Variants in CEP126 observed in about 807,000 individuals in gnomAD.
The protein encoded by CEP126 is centrosomal protein of 126 kDa.
Under a neutral mutation model 107.8 loss-of-function variants are expected in CEP126, and 74 were observed. The ratio of observed to expected loss-of-function variants is 0.69; its 90% CI spans 0.57 to 0.83. CEP126 has a LOEUF of 0.83. CEP126 is among the 40% of genes least tolerant of loss of function. The pLI is 0.00. For synonymous variants in CEP126, 449 were observed against 446.0 expected (o/e 1.01, Z -0.08); for missense variants, 1,237 against 1,281.9 (o/e 0.96, Z 0.53).
rs977173119 is a variant in CEP126, at chr11:101,952,836, G to T, written c.506+4694G>T. Among the ~76,000 whole-genome samples the T allele has an allele frequency of 2.6e-5, 4 of 152,210 alleles. No individual in the cohort carries two copies. In the South Asian group the frequency reaches 6.2e-4, roughly 24 times the overall value. On this transcript the variant is annotated intron_variant, in intron 4 of 10. Transcript: ENST00000263468. Reference sequence around the variant, plus strand: ...TAAAGTTAAAGTCATGGCAGTATCTGCCAGTGGTATTCTTAGATTCAGCTA... The same window carrying T: ...TAAAGTTAAAGTCATGGCAGTATCTTCCAGTGGTATTCTTAGATTCAGCTA...
intron 10 of CEP126, 117 bp downstream of exon 10, chr11:101,992,959 G>A: frequency 7.5e-6 from 8 of 1,062,278 alleles, no homozygotes; most frequent in Non-Finnish European, 9.8e-6. Context: ...TTGGTTTATA[G>A]AGGTTTTCTC....
intron 4 of CEP126, chr11:101,955,886 C>G (rs1940879961): frequency 4.4e-6 from 2 of 456,316 alleles, no homozygotes; most frequent in South Asian, 3.1e-5. Context: ...CCACCACTTC[C>G]AAATTCTTCC....
chr11:101,924,589 C>T (rs546842281), intron 2 of CEP126, among the ~76,000 whole-genome samples: 3 of 152,284 alleles, frequency 2.0e-5, no homozygotes, highest in East Asian at 3.9e-4. Context: ...CCTCAACCCC[C>T]CGAATAGCTG....
intron 2 of CEP126, among the ~76,000 whole-genome samples, chr11:101,937,287 TC>T (rs1940597108): frequency 6.6e-6 from 1 of 152,226 alleles, no homozygotes; most frequent in African/African-American, 2.4e-5. Context: ...GCAATCATTT[TC>T]TTATACTTAT....
intron 2 of CEP126, among the ~76,000 whole-genome samples, chr11:101,928,082 T>G (rs1453962485): frequency 6.6e-6 from 1 of 152,010 alleles, no homozygotes; most frequent in African/African-American, 2.4e-5. Flanking sequence ...TGCAGTAATA[T>G]CTCATTGTGG....
At chr11:101,939,348 C>T (rs1940635431) in intron 2 of CEP126, among the ~76,000 whole-genome samples, 2 of 152,112 alleles carry the variant, frequency 1.3e-5, no homozygotes, top group South Asian at 2.1e-4. Context: ...TCTAGTAATA[C>T]TCCATTTCTT....
intron 3 of CEP126, among the ~76,000 whole-genome samples, chr11:101,945,272 A>G (rs2137096924): frequency 6.6e-6 from 1 of 152,342 alleles, no homozygotes; most frequent in African/African-American, 2.4e-5. Flanking sequence ...AAGCAAACAG[A>G]AAATAAAAGG....
At chr11:101,933,308 A>G (rs979418616) in intron 2 of CEP126, among the ~76,000 whole-genome samples, 1 of 152,156 alleles carries the variant, frequency 6.6e-6, no homozygotes, top group African/African-American at 2.4e-5. Flanking sequence ...ATTCCATGGG[A>G]AAACAAATTC....
intron 7 of CEP126, among the ~76,000 whole-genome samples, chr11:101,980,769 T>C (rs1188184283): frequency 6.6e-6 from 1 of 152,106 alleles, no homozygotes; most frequent in Non-Finnish European, 1.5e-5. Context: ...ATGGAGAAAA[T>C]CTCAAAGAGA....
At chr11:101,946,583 G>A (rs543538723) in intron 3 of CEP126, among the ~76,000 whole-genome samples, 6 of 151,182 alleles carry the variant, frequency 4.0e-5, no homozygotes, top group South Asian at 2.1e-4. Context: ...GAAAGAGGCC[G>A]GGCGTGGTGG....
In CEP126 at chr11:101,976,594, T is replaced by C. The variant is rs561913715; in HGVS notation, c.2846-1753T>C. Reference sequence around the variant, plus strand: ...ATTTCTCAAGACATTTAAGTGCTTATACACATATGCATATCGATGCCCCAG... The same window carrying C: ...ATTTCTCAAGACATTTAAGTGCTTACACACATATGCATATCGATGCCCCAG... On this transcript the variant is annotated intron_variant, in intron 6 of 10. Transcript: ENST00000263468. 1.8e-3 allele frequency among the ~76,000 whole-genome samples: 267 copies of C among 152,332 alleles called. 1 individual carries two copies. The highest frequency in any genetic ancestry group is 6.2e-3 in the African/African-American group (258 of 41,588).
chr11:101,945,943 G>T (rs1940730359), intron 3 of CEP126, among the ~76,000 whole-genome samples: 1 of 152,120 alleles, frequency 6.6e-6, no homozygotes, highest in South Asian at 2.1e-4. Flanking sequence ...GGAACTAGGG[G>T]TCTCTGCTAT....
intron 2 of CEP126, among the ~76,000 whole-genome samples, chr11:101,942,862 T>G (rs1940685009): frequency 1.3e-5 from 2 of 152,052 alleles, no homozygotes; most frequent in Non-Finnish European, 2.9e-5. Flanking sequence ...TCCTAGGCAT[T>G]TTTATGCTAT....
intron 10 of CEP126, among the ~76,000 whole-genome samples, chr11:101,997,091 A>G (rs1410546475): frequency 1.3e-5 from 2 of 152,120 alleles, no homozygotes; most frequent in Non-Finnish European, 2.9e-5. Context: ...AGGCTGGAGT[A>G]CAGTGGAGCA....
chr11:101,924,876 C>G (rs985324784), intron 2 of CEP126, among the ~76,000 whole-genome samples: 1 of 152,150 alleles, frequency 6.6e-6, no homozygotes, highest in Non-Finnish European at 1.5e-5. Context: ...TTCCTAGCAT[C>G]AAGTTCTCTT....
At chr11:101,926,465 C>T (rs575941716) in intron 2 of CEP126, among the ~76,000 whole-genome samples, 1 of 152,272 alleles carries the variant, frequency 6.6e-6, no homozygotes, top group Non-Finnish European at 1.5e-5. Flanking sequence ...TTATGCCAAT[C>T]TAAAGAAATC....
In CEP126 at chr11:101,997,697, G is replaced by T; in HGVS notation, c.*54G>T. On this transcript the variant is annotated 3_prime_UTR_variant, in exon 11 of 11. Coordinates refer to ENST00000263468, the MANE Select transcript of CEP126 (RefSeq NM_020802.4). ...TTCATGTACTTCCCTAGGACTAGAT[G>T]CATACCGTTTTGTGAAAACCAGCCA... The T allele has an allele frequency of 6.2e-7, 1 of 1,609,592 alleles. No individual in the cohort carries two copies. The highest frequency in any genetic ancestry group is 8.5e-7 in the Non-Finnish European group (1 of 1,177,916).
At chr11:101,959,456 A>G (rs1388493790) in intron 5 of CEP126, among the ~76,000 whole-genome samples, 1 of 152,152 alleles carries the variant, frequency 6.6e-6, no homozygotes, top group Non-Finnish European at 1.5e-5. Context: ...CCTGGCCAAC[A>G]CTTTCTTAAA....
At chr11:101,931,018 C>T (rs1200496190) in intron 2 of CEP126, among the ~76,000 whole-genome samples, 1 of 152,152 alleles carries the variant, frequency 6.6e-6, no homozygotes, top group Non-Finnish European at 1.5e-5. Flanking sequence ...CTCCTTCTAG[C>T]AGCTCCTTCA....
Sources: allele counts gnomAD v4.1 joint callset (sites outside exome capture counted in the v4.1 genomes callset), GRCh38; gene constraint gnomAD v4.1.1; transcripts MANE v1.5; gene names NCBI Gene and HGNC (gene_info 2026-07-23, HGNC 2026-07-21).